Variants in CLIC5 observed in about 807,000 individuals in gnomAD.
The protein encoded by CLIC5 is CLIC family member 5, also known as chloride intracellular channel protein 5.
CLIC5 carries 20 observed loss-of-function variants against 24.7 expected under a neutral mutation model. The observed-to-expected ratio is 0.81, with a 90% CI of 0.57 to 1.18. The LOEUF (loss-of-function observed/expected upper bound fraction) is 1.18, where lower values mean the gene tolerates loss of function less well. Among genes scored for constraint, CLIC5 ranks in the 50% most tolerant of loss-of-function variants. The pLI is 0.00. For missense variants in CLIC5, 341 were observed against 326.1 expected (o/e 1.05, Z -0.35); for synonymous variants, 159 against 135.6 (o/e 1.17, Z -1.20).
At chr6:45,964,190 G>A (rs1273232012) in intron 1 of CLIC5, among the ~76,000 whole-genome samples, 7 of 152,138 alleles carry the variant, frequency 4.6e-5, no homozygotes, top group East Asian at 3.9e-4. Flanking sequence ...AAATTCCATT[G>A]CAGTAGAGGC....
chr6:46,079,544 T>C (rs975331863), intron 1 of CLIC5, among the ~76,000 whole-genome samples: 4 of 152,196 alleles, frequency 2.6e-5, no homozygotes, highest in Non-Finnish European at 5.9e-5. Flanking sequence ...AAGAGCTGAG[T>C]ACACTCTAAT....
intron 1 of CLIC5, among the ~76,000 whole-genome samples, chr6:46,058,214 C>A (rs1741466319): frequency 6.6e-6 from 1 of 152,086 alleles, no homozygotes; most frequent in Non-Finnish European, 1.5e-5. Context: ...ATTTTAACTA[C>A]CCAGAGAGAT....
At chr6:45,986,828 C>T (rs906821143) in intron 1 of CLIC5, among the ~76,000 whole-genome samples, 1 of 152,182 alleles carries the variant, frequency 6.6e-6, no homozygotes, top group Non-Finnish European at 1.5e-5. Context: ...CTTGTGGGGT[C>T]ACTTAATTGC....
chr6:45,965,716 G>A (rs1311825104), intron 1 of CLIC5, among the ~76,000 whole-genome samples: 1 of 152,220 alleles, frequency 6.6e-6, no homozygotes, highest in Non-Finnish European at 1.5e-5. Context: ...CTCCCTTGGA[G>A]AATCCCCATC....
At chr6:45,887,744 T>TA (rs1178622448) in intron 6 of CLIC5, among the ~76,000 whole-genome samples, 1 of 152,162 alleles carries the variant, frequency 6.6e-6, no homozygotes, top group Admixed American at 6.5e-5. Context: ...GCTCTAATTC[T>TA]AAAAAGAGAT....
intron 1 of CLIC5, among the ~76,000 whole-genome samples, chr6:45,997,815 T>C (rs1766207306): frequency 6.6e-6 from 1 of 152,222 alleles, no homozygotes; most frequent in South Asian, 2.1e-4. Context: ...ACAATGAAAG[T>C]GGCTAATGTG....
intron 1 of CLIC5, among the ~76,000 whole-genome samples, chr6:45,963,805 A>G (rs1160266158): frequency 6.6e-6 from 1 of 152,156 alleles, no homozygotes; most frequent in Non-Finnish European, 1.5e-5. Context: ...CCTCATTTCA[A>G]TTAAATATCT....
chr6:46,080,383 G>A (rs35067690), upstream of CLIC5: 7 of 642,928 alleles, frequency 1.1e-5, no homozygotes, highest in South Asian at 8.2e-5. Context: ...ATCAATGACA[G>A]GTCTCTAACA....
chr6:45,995,378 A>G (rs1411944932), intron 1 of CLIC5, among the ~76,000 whole-genome samples: 1 of 152,242 alleles, frequency 6.6e-6, no homozygotes, highest in Non-Finnish European at 1.5e-5. Flanking sequence ...AATTTTTATA[A>G]CTTGATTTCA....
chr6:45,950,601 T>C (rs926463790), intron 2 of CLIC5, among the ~76,000 whole-genome samples: 1 of 152,118 alleles, frequency 6.6e-6, no homozygotes, highest in Admixed American at 6.5e-5. Context: ...AACTCATACA[T>C]TTTAAATTTA....
At chr6:46,101,123 T>C in the CLIC5 span, among the ~76,000 whole-genome samples, 6 of 152,210 alleles carry the variant, frequency 3.9e-5, no homozygotes, top group African/African-American at 1.4e-4. Context: ...GCCAACCCAC[T>C]AAGTCAACAA....
chr6:45,925,528 G>A (rs1472362216), intron 4 of CLIC5, among the ~76,000 whole-genome samples: 3 of 152,118 alleles, frequency 2.0e-5, no homozygotes, highest in African/African-American at 7.2e-5. Flanking sequence ...TATTGGCCAG[G>A]CTGGTCTTGA....
chr6:46,056,968 A>G (rs1768277585), intron 1 of CLIC5, among the ~76,000 whole-genome samples: 1 of 152,190 alleles, frequency 6.6e-6, no homozygotes, highest in South Asian at 2.1e-4. Context: ...CACAATCCAC[A>G]TGGTCTTCCA....
At chr6:46,113,403 G>A in the CLIC5 span, among the ~76,000 whole-genome samples, 1 of 152,230 alleles carries the variant, frequency 6.6e-6, no homozygotes, top group South Asian at 2.1e-4. Context: ...TGCTGGAGGA[G>A]GTAAGAAACA....
chr6:45,934,027 G>A (rs1187970879), intron 4 of CLIC5, among the ~76,000 whole-genome samples: 4 of 152,200 alleles, frequency 2.6e-5, no homozygotes, highest in South Asian at 2.1e-4. Context: ...CAGCTCCTCC[G>A]TGCCTGCGGC....
chr6:46,104,664 T>TAA, the CLIC5 span, among the ~76,000 whole-genome samples: 19 of 131,372 alleles, frequency 1.4e-4, no homozygotes, highest in African/African-American at 4.8e-4. Context: ...CTCCTATGTT[T>TAA]AAAAAAAAAA....
intron 2 of CLIC5, among the ~76,000 whole-genome samples, chr6:45,951,239 C>T (rs992989653): frequency 1.3e-5 from 2 of 152,112 alleles, no homozygotes; most frequent in South Asian, 2.1e-4. Context: ...GTGCATTTCT[C>T]CCCCCTGGGA....
In CLIC5 at chr6:45,901,424, G is replaced by T. The variant is rs1762509061; in HGVS notation, c.*1664C>A. On this transcript the variant is annotated 3_prime_UTR_variant, in exon 6 of 6. Transcript: ENST00000339561. ...TTTTTTTCTTCAGAGATCCCTGGAG[G>T]CAGGTAGGTCCAGGGATTGCTTGGG... 6.6e-6 allele frequency: 1 copy of T among 152,130 alleles called. No homozygotes were observed. The highest frequency in any genetic ancestry group is 2.4e-5 in the African/African-American group (1 of 41,408). 9.4% of individuals were successfully genotyped at this position (152,130 alleles called of 1,614,324 possible). A position where few individuals can be genotyped will look rare whatever the true frequency, so the allele number is the denominator to read the frequency against.
rs532308220 is a variant in CLIC5, at chr6:45,992,516, G to T, written c.63+22964C>A. 2.0e-5 allele frequency among the ~76,000 whole-genome samples: 3 copies of T among 152,340 alleles called. No homozygotes were observed. In the South Asian group the frequency reaches 6.2e-4, roughly 32 times the overall value. On this transcript the variant is annotated intron_variant, in intron 1 of 5. Coordinates refer to ENST00000339561, the MANE Select transcript of CLIC5 (RefSeq NM_016929.5). Reference sequence around the variant, plus strand: ...AATTTTAGAAAGACCACAGAATTCAGTCCTGCCCCACTGTGAATTCAATTC... The same window carrying T: ...AATTTTAGAAAGACCACAGAATTCATTCCTGCCCCACTGTGAATTCAATTC...
Sources: gnomAD v4.1 joint callset for allele counts (sites outside exome capture counted in the v4.1 genomes callset) on GRCh38, gnomAD v4.1.1 for gene constraint, MANE v1.5 for transcripts, NCBI Gene and HGNC (gene_info 2026-07-23, HGNC 2026-07-21) for gene names.